GON4L: variants seen among roughly 807,000 people sequenced by gnomAD.
GON4L encodes gon-4 like, also known as GON-4-like protein.
Under a neutral mutation model 211.8 loss-of-function variants are expected in GON4L, and 87 were observed. That is an observed-to-expected ratio of 0.41 (90% CI 0.35 to 0.49). The LOEUF is 0.49. GON4L is among the 20% of genes least tolerant of loss of function. GON4L has a pLI of 0.15. For synonymous variants in GON4L, 875 were observed against 962.6 expected (o/e 0.91, Z 1.68); for missense variants, 2,155 against 2,659.5 (o/e 0.81, Z 4.17).
rs755916029 is a variant in GON4L, at chr1:155,771,098, T to C, written c.2615A>G (p.Asn872Ser). 2.5e-6 allele frequency: 4 copies of C among 1,614,222 alleles called. No individual in the cohort carries two copies. Among genetic ancestry groups the C allele is most frequent in the South Asian group, 1.1e-5 (1 of 91,082 alleles). ...HQLTVRIKNL[N>S]MNRAPDNIIK... is the part of the protein sequence containing the mutation. ...GATGTTGTCAGGAGCTCTGTTCATGTTGAGGTTCTTGATTCTCACTGTCAG... is the reference window on the plus strand; with the variant it reads ...GATGTTGTCAGGAGCTCTGTTCATGCTGAGGTTCTTGATTCTCACTGTCAG... Residue 872 changes from asparagine to serine, a missense_variant, in exon 19 of 32, where the codon AAC becomes AGC. Asn to Ser is a conservative substitution (Grantham distance 46). Coordinates refer to ENST00000368331, the MANE Select transcript of GON4L (RefSeq NM_001282860.2).
chr1:155,757,148 T>TC (rs759474685), intron 26 of GON4L, 32 bp downstream of exon 26: 54 of 1,613,686 alleles, frequency 3.3e-5, no homozygotes, highest in Non-Finnish European at 4.3e-5. Context: ...CCTTCCCCCT[T>TC]CATAAGGCTA....
In GON4L at chr1:155,752,599, G is replaced by A; in HGVS notation, c.5843-9C>T. On this transcript the variant is annotated splice_polypyrimidine_tract_variant and intron_variant, in intron 29 of 31. Coordinates refer to ENST00000368331, the MANE Select transcript of GON4L (RefSeq NM_001282860.2). ...CCCCACTGCCAATCCTGCTTAGGAG[G>A]AAAATAAGGATCTCAGGGTACTGTC... 1.3e-6 allele frequency: 2 copies of A among 1,572,470 alleles called. No homozygotes were observed. Among genetic ancestry groups the A allele is most frequent in the Non-Finnish European group, 1.7e-6 (2 of 1,158,540 alleles).
intron 10 of GON4L, among the ~76,000 whole-genome samples, chr1:155,809,984 ATATATAAT>A (rs1667572545): frequency 7.8e-5 from 2 of 25,752 alleles, no homozygotes; most frequent in African/African-American, 1.4e-4. Context: ...AATTATATAT[ATATATAAT>A]TATATATATA....
At chr1:155,799,971 A>T (rs708609) in intron 11 of GON4L, among the ~76,000 whole-genome samples, 3 of 152,258 alleles carry the variant, frequency 2.0e-5, no homozygotes, top group East Asian at 3.9e-4. Context: ...GAGGCCGAGG[A>T]GGGCGGATCA....
chr1:155,769,498 C>T (rs566704953), intron 19 of GON4L, among the ~76,000 whole-genome samples: 1 of 152,080 alleles, frequency 6.6e-6, no homozygotes, highest in East Asian at 1.9e-4. Context: ...GGAATAGTGT[C>T]AGAGGGCTCA....
At chr1:155,770,715 G>A (rs1355796451) in intron 19 of GON4L, among the ~76,000 whole-genome samples, 3 of 152,078 alleles carry the variant, frequency 2.0e-5, no homozygotes. Context: ...CAGGTGTGGT[G>A]GTGCATGCCT....
At chr1:155,757,598 G>A (rs1188079891) in intron 25 of GON4L, among the ~76,000 whole-genome samples, 2 of 149,674 alleles carry the variant, frequency 1.3e-5, no homozygotes, top group South Asian at 2.2e-4. Flanking sequence ...GAGCAAGGAG[G>A]TAAGGCCCCT....
chr1:155,757,073 T>C lies in GON4L; in HGVS notation c.5402A>G (p.Asp1801Gly), dbSNP rs1408950628. 6.2e-7 allele frequency: 1 copy of C among 1,613,884 alleles called. No individual in the cohort carries two copies. Among genetic ancestry groups the C allele is most frequent in the South Asian group, 1.1e-5 (1 of 91,084 alleles). Residue 1801 changes from aspartate to glycine, a missense_variant, in exon 27 of 32, where the codon GAT (aspartate) becomes GGT (glycine). Coordinates refer to ENST00000368331, the MANE Select transcript of GON4L (RefSeq NM_001282860.2). ...NWTEEKEYEF[D>G]GFEEVALPDV... is the part of the protein sequence containing the mutation. ...AGGCAGGGCCACTTCTTCAAAGCCA[T>C]CAAACTGAGAAGGAGTTGGTGCTGC...
rs1175507198 is a variant in GON4L, at chr1:155,773,164, G to C, written c.2397C>G (p.Ala799=). The C allele has an allele frequency of 6.2e-6, 10 of 1,613,854 alleles. No individual in the cohort carries two copies. The highest frequency in any genetic ancestry group is 8.5e-6 in the Non-Finnish European group (10 of 1,179,970). Residue 799 remains alanine (A), a synonymous_variant, in exon 18 of 32, where the codon GCC becomes GCG. Coordinates refer to ENST00000368331, the MANE Select transcript of GON4L (RefSeq NM_001282860.2). The part of the protein sequence containing the change: ...CLPKQVAWIL[A]TSKVFMYPEL... ...CTGGATACATGAAAACCTTGCTTGT[G>C]GCCAGAATCCAAGCCACTTGCTTTG...
rs1325636175 is a variant in GON4L at position 155,763,634 on chromosome 1, A to AT, written c.4474-71dup. 2.3e-6 allele frequency: 3 copies of AT among 1,306,798 alleles called. No individual in the cohort carries two copies. The East Asian group carries it at 7.5e-5, about 33-fold the overall frequency. 81.0% of individuals were successfully genotyped at this position (1,306,798 alleles called of 1,614,324 possible). A position where few individuals can be genotyped will look rare whatever the true frequency, so the allele number is the denominator to read the frequency against. ...CATGAATTGCAAACAACACAAAGCT[A>AT]TATCAGGATAATCTGAAGTTAAACA... On this transcript the variant is annotated intron_variant, in intron 21 of 31. Transcript: ENST00000368331.
Position 155,853,343 on chromosome 1 carries a change from T to C in GON4L, c.438A>G (p.Arg146=), listed in dbSNP as rs1310248789. 2 of 1,614,018 alleles carry C rather than the reference T, an allele frequency of 1.2e-6. No individual in the cohort carries two copies. The highest frequency in any genetic ancestry group is 1.7e-6 in the Non-Finnish European group (2 of 1,179,858). The change falls in exon 2 of 32, where the codon AGA becomes AGG. Residue 146 remains arginine, a synonymous_variant. Transcript: ENST00000368331. ...LRPGPVTQED[R]CDHLTLKEPF... ...GCTCCTTTAGGGTAAGATGATCACA[T>C]CTGTCTTCTTGGGTAACTGGCCCAG... is the stretch of plus-strand genomic sequence containing the variant.
intron 19 of GON4L, among the ~76,000 whole-genome samples, chr1:155,770,855 G>A (rs1663119634): frequency 6.6e-6 from 1 of 151,760 alleles, no homozygotes; most frequent in African/African-American, 2.4e-5. Flanking sequence ...CAGAGCAAGA[G>A]TCTGTCTAAC....
At chr1:155,833,646 CAAAAAAAAAA>C (rs59340708) in intron 2 of GON4L, among the ~76,000 whole-genome samples, 3 of 16,404 alleles carry the variant, frequency 1.8e-4, no homozygotes, top group Non-Finnish European at 2.8e-4. Flanking sequence ...ACTCTGTCTC[CAAAAAAAAAA>C]AAAAAAAAAA....
chr1:155,752,716 A>T, intron 29 of GON4L, 126 bp from the exon 30 acceptor site: 1 of 1,423,664 alleles, frequency 7.0e-7, no homozygotes, highest in South Asian at 1.2e-5. Flanking sequence ...ATGGTGGCTC[A>T]CACCTATAAT....
At position 155,777,691 on chromosome 1, in the gene GON4L, A is replaced by C. The variant is rs1663968472; in HGVS notation, c.2022T>G (p.Ser674Arg). Reference protein sequence around the residue: ...LQEVEKVKPQSEKVHQTLILD... With the variant: ...LQEVEKVKPQREKVHQTLILD... ...GAATCAGAGTCTGATGAACTTTCTC[A>C]CTCTGGGGTTTAACCTTCTCTACTT... The change falls in exon 15 of 32, where the codon AGT becomes AGG. Residue 674 changes from serine (S) to arginine (R), a missense_variant. Transcript: ENST00000368331. The C allele has an allele frequency of 4.3e-6, 7 of 1,613,528 alleles. No homozygotes were observed. Among genetic ancestry groups the C allele is most frequent in the Non-Finnish European group, 5.9e-6 (7 of 1,179,668 alleles).
intron 2 of GON4L, among the ~76,000 whole-genome samples, chr1:155,852,856 T>C (rs1485538489): frequency 6.6e-6 from 1 of 151,288 alleles, no homozygotes; most frequent in Non-Finnish European, 1.5e-5. Flanking sequence ...CTCACACCTG[T>C]AATCCCAGCA....
chr1:155,809,950 AAATTATATACATATATAATTATAAAT>A, intron 10 of GON4L, among the ~76,000 whole-genome samples: 1 of 136,360 alleles, frequency 7.3e-6, no homozygotes, highest in African/African-American at 2.7e-5. Flanking sequence ...ATATAATTAT[AAATTATATACATATATAATTATAAAT>A]TATATATATA....
At chr1:155,748,700 C>T (rs1660350479), downstream of GON4L, 4 of 1,613,944 alleles carry the variant, frequency 2.5e-6, no homozygotes, top group Non-Finnish European at 3.4e-6. Flanking sequence ...CCCCATGGAC[C>T]CCACTGTCTG....
intron 29 of GON4L, among the ~76,000 whole-genome samples, chr1:155,752,841 G>A (rs1056129517): frequency 2.6e-5 from 4 of 152,128 alleles, no homozygotes; most frequent in African/African-American, 9.7e-5. Context: ...GAGTTGGGTG[G>A]AGGTGGGGGG....
Sources: allele counts gnomAD v4.1 joint callset (sites outside exome capture counted in the v4.1 genomes callset), GRCh38; gene constraint gnomAD v4.1.1; transcripts MANE v1.5; gene names NCBI Gene and HGNC (gene_info 2026-07-23, HGNC 2026-07-21).